Variants in RNF150 observed in about 807,000 individuals in gnomAD.
RNF150 encodes ring finger protein 150.
RNF150 carries 24 observed loss-of-function variants against 39.3 expected under a neutral mutation model. That is an observed-to-expected ratio of 0.61 (90% CI 0.44 to 0.86). RNF150 has a LOEUF of 0.86. Ranked by LOEUF, RNF150 falls within the 40% of genes least tolerant of loss-of-function variation. The pLI is 0.00. For missense variants in RNF150, 502 were observed against 587.8 expected (o/e 0.85, Z 1.51); for synonymous variants, 255 against 227.3 (o/e 1.12, Z -1.10).
intron 4 of RNF150, among the ~76,000 whole-genome samples, chr4:140,947,185 T>A (rs1463395967): frequency 6.6e-6 from 1 of 151,480 alleles, no homozygotes; most frequent in Admixed American, 6.6e-5. Context: ...AAAAAAAAAA[T>A]GAAAGGGCAT....
intron 1 of RNF150, among the ~76,000 whole-genome samples, chr4:141,109,805 A>G (rs1401801243): frequency 6.6e-6 from 1 of 152,196 alleles, no homozygotes; most frequent in African/African-American, 2.4e-5. Flanking sequence ...AGCAATTAAG[A>G]AAACAAGGAC....
chr4:141,065,917 G>A (rs1051063651), intron 1 of RNF150, among the ~76,000 whole-genome samples: 2 of 151,954 alleles, frequency 1.3e-5, no homozygotes, highest in African/African-American at 2.4e-5. Flanking sequence ...GAAATCAGCT[G>A]GAATCCTCTC....
intron 1 of RNF150, among the ~76,000 whole-genome samples, chr4:141,176,053 A>ATT (rs35532391): frequency 1.6e-3 from 228 of 144,960 alleles, no homozygotes; most frequent in African/African-American, 3.7e-3. Flanking sequence ...TGGTGGGCTA[A>ATT]TTTTTTTTTT....
intron 1 of RNF150, among the ~76,000 whole-genome samples, chr4:141,035,343 C>T (rs1458698035): frequency 6.6e-6 from 1 of 152,172 alleles, no homozygotes; most frequent in Non-Finnish European, 1.5e-5. Context: ...TCTGCTGGCG[C>T]TACCGGATTC....
chr4:141,175,501 A>G (rs758835811), intron 1 of RNF150, among the ~76,000 whole-genome samples: 2 of 152,344 alleles, frequency 1.3e-5, no homozygotes, highest in South Asian at 2.1e-4. Flanking sequence ...TGGTCGTAAC[A>G]TCCAAAGAAA....
chr4:141,076,923 C>T (rs569318627), intron 1 of RNF150, among the ~76,000 whole-genome samples: 127 of 152,120 alleles, frequency 8.3e-4, no homozygotes, highest in African/African-American at 3.0e-3. Context: ...TGATTCTATC[C>T]CCATTCCAGG....
chr4:141,012,156 G>C (rs1206335463), intron 1 of RNF150, among the ~76,000 whole-genome samples: 1 of 152,140 alleles, frequency 6.6e-6, no homozygotes, highest in Non-Finnish European at 1.5e-5. Context: ...TCATAACACA[G>C]GGCCCTACAA....
intron 5 of RNF150, among the ~76,000 whole-genome samples, chr4:140,915,492 A>C (rs1730783522): frequency 6.6e-6 from 1 of 152,214 alleles, no homozygotes; most frequent in Non-Finnish European, 1.5e-5. Flanking sequence ...CCTAGGAGAA[A>C]AACAGAAAAG....
chr4:141,159,548 G>GT (rs1185619462), intron 1 of RNF150, among the ~76,000 whole-genome samples: 1 of 151,706 alleles, frequency 6.6e-6, no homozygotes, highest in Non-Finnish European at 1.5e-5. Flanking sequence ...GTTGTTTTTT[G>GT]TTTTTTGTTT....
At chr4:140,906,443 C>T (rs116328692) in intron 6 of RNF150, among the ~76,000 whole-genome samples, 1,805 of 152,054 alleles carry the variant, frequency 0.012, 41 homozygotes, top group African/African-American at 0.041. Flanking sequence ...AATATTACAC[C>T]ATTTTATATA....
chr4:140,959,427 C>T (rs188214227), intron 2 of RNF150, among the ~76,000 whole-genome samples: 1 of 152,216 alleles, frequency 6.6e-6, no homozygotes, highest in East Asian at 1.9e-4. Flanking sequence ...GCATCCTAAT[C>T]CACATGCTCC....
intron 4 of RNF150, among the ~76,000 whole-genome samples, chr4:140,935,530 T>G (rs1731830793): frequency 6.6e-6 from 1 of 152,052 alleles, no homozygotes; most frequent in African/African-American, 2.4e-5. Context: ...AAGGCGACAT[T>G]TGCTATGTTG....
chr4:141,159,025 G>A (rs181622847), intron 1 of RNF150, among the ~76,000 whole-genome samples: 2 of 152,144 alleles, frequency 1.3e-5, no homozygotes, highest in Admixed American at 1.3e-4. Context: ...TCTCAGCCAA[G>A]CCAATCTGGA....
rs764100977 is a variant in RNF150, at chr4:141,132,532, C to A, written c.277G>T (p.Ala93Ser). The A allele has an allele frequency of 6.3e-7, 1 of 1,598,934 alleles. No individual in the cohort carries two copies. The highest frequency in any genetic ancestry group is 1.7e-4 in the Middle Eastern group (1 of 6,002). Residue 93 changes from alanine (A) to serine (S), a missense_variant, in exon 1 of 7, where the codon GCC becomes TCC. Coordinates refer to ENST00000515673, the MANE Select transcript of RNF150 (RefSeq NM_020724.2). The surrounding 1 kb of genome is among the most constrained non-coding windows in gnomAD (Gnocchi z 4.9). Reference sequence around the variant, plus strand: ...GCCAGGCGGTCGTGGGCCGAGCTGGCCATGACCACCTCCCCGCGGGCGTCC... The same window carrying A: ...GCCAGGCGGTCGTGGGCCGAGCTGGACATGACCACCTCCCCGCGGGCGTCC... ...KQDARGEVVM[A>S]SSAHDRLACD...
intron 4 of RNF150, among the ~76,000 whole-genome samples, chr4:140,931,592 A>T (rs1386455063): frequency 6.6e-6 from 1 of 152,228 alleles, no homozygotes; most frequent in East Asian, 1.9e-4. Context: ...TATAGGATTC[A>T]CAGGATAGCA....
At chr4:140,930,652 C>T (rs752424706) in intron 4 of RNF150, among the ~76,000 whole-genome samples, 1 of 152,202 alleles carries the variant, frequency 6.6e-6, no homozygotes, top group Non-Finnish European at 1.5e-5. Context: ...CAGCGTGGCT[C>T]CCTCCTGCAT....
chr4:141,130,730 C>T (rs2111107135), intron 1 of RNF150, among the ~76,000 whole-genome samples: 1 of 152,336 alleles, frequency 6.6e-6, no homozygotes, highest in South Asian at 2.1e-4. Context: ...TCCTTCACCC[C>T]TCCTCCACTG....
intron 1 of RNF150, among the ~76,000 whole-genome samples, chr4:141,045,571 T>C (rs2110872865): frequency 6.6e-6 from 1 of 152,216 alleles, no homozygotes; most frequent in South Asian, 2.1e-4. Flanking sequence ...GAAACGGAGT[T>C]TCGTTCTTGT....
At chr4:140,913,073 C>A (rs1305384070) in intron 5 of RNF150, among the ~76,000 whole-genome samples, 1 of 151,934 alleles carries the variant, frequency 6.6e-6, no homozygotes, top group Non-Finnish European at 1.5e-5. Flanking sequence ...GGTGACCTAA[C>A]CAACATGGTG....
Sources: allele counts gnomAD v4.1 joint callset (sites outside exome capture counted in the v4.1 genomes callset), GRCh38; gene constraint gnomAD v4.1.1; non-coding constraint Gnocchi (gnomAD v3.1); transcripts MANE v1.5; gene names NCBI Gene and HGNC (gene_info 2026-07-23, HGNC 2026-07-21).